RSPRY1: variants seen among roughly 807,000 people sequenced by gnomAD.
RSPRY1 encodes the protein RING finger and SPRY domain-containing protein 1.
A neutral mutation model predicts 73.1 loss-of-function variants in RSPRY1; 23 were observed. The ratio of observed to expected loss-of-function variants is 0.31; its 90% confidence interval spans 0.23 to 0.45. The LOEUF (loss-of-function observed/expected upper bound fraction) is 0.45, where lower values mean the gene tolerates loss of function less well. Among genes scored for constraint, RSPRY1 ranks in the 20% least tolerant of loss-of-function variants. The probability of loss-of-function intolerance (pLI) is 1.00; values close to 1 mark genes in which losing one functional copy is unlikely to be tolerated. For missense variants in RSPRY1, 448 were observed against 698.7 expected, an observed-to-expected ratio of 0.64 and a Z score of 4.05; for synonymous variants, 226 against 251.4, an observed-to-expected ratio of 0.90 and a Z score of 0.95.
chr16:57,206,452 T>C (rs1489693430), intron 2 of RSPRY1, among the ~76,000 whole-genome samples: 2 of 152,142 alleles, frequency 1.3e-5, no homozygotes, highest in East Asian at 3.9e-4. Context: ...TTGTACCAAA[T>C]TGTAATAAAA....
chr16:57,212,118 C>T (rs1424700232), intron 4 of RSPRY1, among the ~76,000 whole-genome samples: 1 of 152,056 alleles, frequency 6.6e-6, no homozygotes, highest in Non-Finnish European at 1.5e-5. Flanking sequence ...TCAAGACCAG[C>T]CTGGGCAACA....
At chr16:57,189,352 G>A (rs2074309891) in intron 1 of RSPRY1, among the ~76,000 whole-genome samples, 1 of 151,832 alleles carries the variant, frequency 6.6e-6, no homozygotes, top group African/African-American at 2.4e-5. Flanking sequence ...TACTCTATGT[G>A]GGCTTCTGCT....
At chr16:57,200,940 G>A (rs1318002089) in intron 1 of RSPRY1, among the ~76,000 whole-genome samples, 4 of 90,826 alleles carry the variant, frequency 4.4e-5, no homozygotes, top group African/African-American at 1.7e-4. Flanking sequence ...CAGACGGGGC[G>A]GCTGGCCGGG....
intron 2 of RSPRY1, among the ~76,000 whole-genome samples, chr16:57,207,009 ATTATATTTTG>A (rs1247083509): frequency 1.3e-5 from 2 of 152,198 alleles, no homozygotes; most frequent in Non-Finnish European, 2.9e-5. Context: ...GCCTGAAAGT[ATTATATTTTG>A]TTACATTTTC....
intron 1 of RSPRY1, among the ~76,000 whole-genome samples, chr16:57,199,333 A>G (rs2074514588): frequency 1.3e-5 from 2 of 152,144 alleles, no homozygotes; most frequent in African/African-American, 4.8e-5. Context: ...TCTCTACTAA[A>G]AATACAAAAT....
At chr16:57,216,433 T>C in intron 7 of RSPRY1, 1 of 431,412 alleles carries the variant, frequency 2.3e-6, no homozygotes, top group Non-Finnish European at 4.1e-6. Context: ...TGCTAGTTTC[T>C]AGAAAAAAGT....
At chr16:57,213,836 T>G in intron 5 of RSPRY1, 52 bp from the exon 6 acceptor site, 1 of 1,288,096 alleles carries the variant, frequency 7.8e-7, no homozygotes, top group South Asian at 1.2e-5. Context: ...TACCAGTGAT[T>G]TAAAATAATC....
At position 57,204,528 on chromosome 16, in the gene RSPRY1, C is replaced by T; in HGVS notation, c.-131C>T. On this transcript the variant is annotated 5_prime_UTR_variant, in exon 2 of 15. Coordinates refer to ENST00000394420, the MANE Select transcript of RSPRY1 (RefSeq NM_133368.3). ...GAACTGCCATTGGATGTCCAGAATCCCCTGTAGTTGATAATGTTGGGAATA... is the reference window on the plus strand; with the variant it reads ...GAACTGCCATTGGATGTCCAGAATCTCCTGTAGTTGATAATGTTGGGAATA... The T allele has an allele frequency of 2.6e-6, 2 of 761,916 alleles. No homozygotes were observed. The highest frequency in any genetic ancestry group is 3.6e-4 in the Middle Eastern group (1 of 2,742). 47.2% of individuals were successfully genotyped at this position (761,916 alleles called of 1,614,324 possible). A position where few individuals can be genotyped will look rare whatever the true frequency, so the allele number is the denominator to read the frequency against.
chr16:57,196,213 T>C (rs182654235), intron 1 of RSPRY1, among the ~76,000 whole-genome samples: 1 of 152,112 alleles, frequency 6.6e-6, no homozygotes, highest in Admixed American at 6.5e-5. Flanking sequence ...AGCCATTTTT[T>C]CCTTTGTGTT....
intron 4 of RSPRY1, among the ~76,000 whole-genome samples, chr16:57,211,107 CAA>C (rs2074834567): frequency 6.6e-6 from 1 of 152,072 alleles, no homozygotes; most frequent in African/African-American, 2.4e-5. Context: ...TTCCTCATAA[CAA>C]AAGTTTTAAG....
At chr16:57,228,939 C>T (rs893294785) in intron 11 of RSPRY1, among the ~76,000 whole-genome samples, 7 of 152,222 alleles carry the variant, frequency 4.6e-5, no homozygotes, top group African/African-American at 1.7e-4. Context: ...AAGTGATCCA[C>T]CCAACTCTGG....
At chr16:57,198,087 T>A (rs1049102270) in intron 1 of RSPRY1, among the ~76,000 whole-genome samples, 20 of 151,952 alleles carry the variant, frequency 1.3e-4, no homozygotes, top group African/African-American at 4.6e-4. Context: ...CCAATCACCT[T>A]AAAATTGTAC....
intron 7 of RSPRY1, chr16:57,216,402 C>A: frequency 4.2e-6 from 2 of 480,862 alleles, no homozygotes; most frequent in Non-Finnish European, 7.3e-6. Flanking sequence ...CTTTTTATAG[C>A]CAAAAATTTA....
chr16:57,201,636 G>T (rs1302736662), intron 1 of RSPRY1, among the ~76,000 whole-genome samples: 1 of 152,226 alleles, frequency 6.6e-6, no homozygotes. Flanking sequence ...GTATCGAGCC[G>T]AGATCACGCC....
intron 4 of RSPRY1, among the ~76,000 whole-genome samples, chr16:57,212,534 A>G (rs1288019828): frequency 6.6e-6 from 1 of 152,140 alleles, no homozygotes; most frequent in South Asian, 2.1e-4. Context: ...GGTTGATCAG[A>G]TATTTCCCAT....
chr16:57,223,398 G>A (rs1597913293), intron 10 of RSPRY1, among the ~76,000 whole-genome samples: 1 of 152,346 alleles, frequency 6.6e-6, no homozygotes, highest in East Asian at 1.9e-4. Flanking sequence ...GTAACCTACA[G>A]AACAGTTTGT....
In RSPRY1 at chr16:57,205,167, A is replaced by G. The variant is rs1748616306; in HGVS notation, c.350+159A>G. On this transcript the variant is annotated intron_variant, in intron 2 of 14. Transcript: ENST00000394420. ...TAATGCTCCGCTGATGGCAGAGTAAATGATAAGATTTGATGTTTTTGCTTG... is the reference window on the plus strand; with the variant it reads ...TAATGCTCCGCTGATGGCAGAGTAAGTGATAAGATTTGATGTTTTTGCTTG... 5.0e-6 allele frequency: 3 copies of G among 600,134 alleles called. No homozygotes were observed. In the African/African-American group the frequency reaches 5.6e-5, roughly 11 times the overall value. The allele number at this position is 600,134 out of a possible 1,614,324, so 37.2% of individuals were successfully genotyped here.
Position 57,216,986 on chromosome 16 carries a change from T to C in RSPRY1, c.852T>C (p.Tyr284=). Residue 284 remains tyrosine, a synonymous_variant, in exon 8 of 15, where the codon TAT becomes TAC. Transcript: ENST00000394420. ...TLESWANDPD[Y]LKRQVGFCAQ... is the part of the protein sequence containing the mutation. ...AGTCCTGGGCTAATGATCCTGATTATCTGAAACGTCAAGTTGGTTTCTGTG... is the reference window on the plus strand; with the variant it reads ...AGTCCTGGGCTAATGATCCTGATTACCTGAAACGTCAAGTTGGTTTCTGTG... The C allele has an allele frequency of 6.2e-7, 1 of 1,614,132 alleles. No individual in the cohort carries two copies. Among genetic ancestry groups the C allele is most frequent in the Admixed American group, 1.7e-5 (1 of 60,032 alleles).
intron 1 of RSPRY1, among the ~76,000 whole-genome samples, chr16:57,190,065 C>G (rs2074326721): frequency 1.3e-5 from 2 of 152,074 alleles, no homozygotes; most frequent in Non-Finnish European, 2.9e-5. Flanking sequence ...CACTATTACA[C>G]TACTTAAGAT....
Sources: allele counts gnomAD v4.1 joint callset (sites outside exome capture counted in the v4.1 genomes callset), GRCh38; gene constraint gnomAD v4.1.1; transcripts MANE v1.5; gene names NCBI Gene and HGNC (gene_info 2026-07-23, HGNC 2026-07-21).